Variants in ADRA1A observed in about 807,000 individuals in gnomAD.
The protein encoded by ADRA1A is alpha-1A adrenergic receptor.
A neutral mutation model predicts 29.6 loss-of-function variants in ADRA1A; 31 were observed. The ratio of observed to expected loss-of-function variants is 1.05; its 90% CI spans 0.79 to 1.41. ADRA1A has a LOEUF of 1.41. Ranked by LOEUF, ADRA1A falls within the 40% of genes most tolerant of loss-of-function variation. The pLI is 0.00. For missense variants in ADRA1A, 619 were observed against 601.1 expected (o/e 1.03, Z -0.31); for synonymous variants, 311 against 254.3 (o/e 1.22, Z -2.12).
At chr8:26,851,832 A>C (rs575598043) in intron 2 of ADRA1A, among the ~76,000 whole-genome samples, 50 of 151,862 alleles carry the variant, frequency 3.3e-4, no homozygotes, top group Non-Finnish European at 5.9e-4. Context: ...TACTTCTCTC[A>C]ATATTTGGCA....
downstream of ADRA1A, among the ~76,000 whole-genome samples, chr8:26,761,342 A>C (rs1343434588): frequency 1.3e-5 from 2 of 152,170 alleles, no homozygotes; most frequent in African/African-American, 2.4e-5. Context: ...GAAATGAGAG[A>C]GTGAGGAGGG....
At chr8:26,822,055 T>A (rs1179197847) in intron 2 of ADRA1A, among the ~76,000 whole-genome samples, 1 of 152,210 alleles carries the variant, frequency 6.6e-6, no homozygotes, top group Non-Finnish European at 1.5e-5. Context: ...TAAAAACTCC[T>A]GTACAAGTTT....
chr8:26,812,196 T>C (rs1036746503), intron 2 of ADRA1A, among the ~76,000 whole-genome samples: 3 of 152,174 alleles, frequency 2.0e-5, no homozygotes, highest in African/African-American at 7.2e-5. Context: ...ACCATGTTTT[T>C]TCCTTCTTCG....
intron 2 of ADRA1A, among the ~76,000 whole-genome samples, chr8:26,824,988 G>T (rs1407018592): frequency 6.6e-6 from 1 of 152,144 alleles, no homozygotes; most frequent in Non-Finnish European, 1.5e-5. Flanking sequence ...GATTTTGATG[G>T]CATCGTAGTT....
Position 26,777,478 on chromosome 8 carries a change from A to C in ADRA1A, c.884-6812T>G, listed in dbSNP as rs148284189. On this transcript the variant is annotated intron_variant, in intron 2 of 2. Coordinates refer to ENST00000380573, the MANE Select transcript of ADRA1A (RefSeq NM_000680.4). ...GAACCTCACTTAGCCTGTATGTCCT[A>C]ATGATAGAATCTAGCTTACCAACAG... is the stretch of plus-strand genomic sequence containing the variant. Among the ~76,000 whole-genome samples the C allele has an allele frequency of 2.4e-3, 367 of 152,298 alleles. 1 individual carries two copies. Among genetic ancestry groups the C allele is most frequent in the African/African-American group, 8.3e-3 (347 of 41,568 alleles).
rs1202300985 is a variant in ADRA1A, at chr8:26,770,449, C to T, written c.1101G>A (p.Val367=). Residue 367 remains valine, a synonymous_variant, in exon 3 of 3, where the codon GTG becomes GTA. Coordinates refer to ENST00000380573, the MANE Select transcript of ADRA1A (RefSeq NM_000680.4). ...GYTLHPPSQA[V]EGQHKDMVRI... is the part of the protein sequence containing the mutation. ...GCACCATGTCCTTGTGTTGCCCTTC[C>T]ACGGCCTGGCTGGGCGGGTGCAGGG... 6 of 1,614,080 alleles carry T rather than the reference C, an allele frequency of 3.7e-6. No individual in the cohort carries two copies. The African/African-American group carries it at 4.0e-5, about 11-fold the overall frequency.
At chr8:26,750,385 A>G (rs2130140734) in intron 2 of ADRA1A, among the ~76,000 whole-genome samples, 2 of 152,208 alleles carry the variant, frequency 1.3e-5, no homozygotes, top group Middle Eastern at 6.8e-3. Flanking sequence ...TATTTTTAGT[A>G]GAGACAGGGT....
intron 2 of ADRA1A, among the ~76,000 whole-genome samples, chr8:26,807,505 T>G (rs1285459938): frequency 2.0e-5 from 3 of 152,230 alleles, no homozygotes; most frequent in Non-Finnish European, 4.4e-5. Context: ...TTCTCAAAGA[T>G]CATGTTGCAT....
intron 2 of ADRA1A, among the ~76,000 whole-genome samples, chr8:26,800,063 A>G (rs746753241): frequency 3.9e-5 from 6 of 152,162 alleles, no homozygotes; most frequent in Admixed American, 6.5e-5. Flanking sequence ...GTTTGAGACC[A>G]GCCTGATCAT....
intron 2 of ADRA1A, chr8:26,859,244 C>T (rs1813268637): frequency 6.6e-6 from 8 of 1,207,908 alleles, no homozygotes; most frequent in South Asian, 1.3e-5. Flanking sequence ...TATTCTTCTG[C>T]TCACATTTTG....
chr8:26,839,562 G>A (rs1458640557), intron 2 of ADRA1A, among the ~76,000 whole-genome samples: 1 of 152,178 alleles, frequency 6.6e-6, no homozygotes, highest in Admixed American at 6.5e-5. Context: ...TTACATGCTA[G>A]TCTCCACCTT....
intron 2 of ADRA1A, among the ~76,000 whole-genome samples, chr8:26,862,891 G>T (rs1179445411): frequency 2.6e-5 from 4 of 152,186 alleles, no homozygotes; most frequent in Non-Finnish European, 5.9e-5. Context: ...GGTGGCTATG[G>T]TATTAGAACC....
chr8:26,829,915 G>C (rs2130643257), intron 2 of ADRA1A, among the ~76,000 whole-genome samples: 1 of 138,928 alleles, frequency 7.2e-6, no homozygotes, highest in African/African-American at 2.6e-5. Context: ...AACACATTTG[G>C]GAAATAGTGG....
At chr8:26,784,992 A>G (rs1160699562) in intron 2 of ADRA1A, among the ~76,000 whole-genome samples, 1 of 152,214 alleles carries the variant, frequency 6.6e-6, no homozygotes, top group African/African-American at 2.4e-5. Flanking sequence ...GCATCCTATT[A>G]AAATACTCTT....
rs79562768 is a variant in ADRA1A at position 26,830,722 on chromosome 8, C to T, written c.883+33365G>A. On this transcript the variant is annotated intron_variant, in intron 2 of 2. Coordinates refer to ENST00000380573, the MANE Select transcript of ADRA1A (RefSeq NM_000680.4). Reference sequence around the variant, plus strand: ...CAGCTGCCAAAACTCAAATTATTTTCTTACCCTGAGATGATCCTAGGGGAA... The same window carrying T: ...CAGCTGCCAAAACTCAAATTATTTTTTTACCCTGAGATGATCCTAGGGGAA... 3.8e-3 allele frequency among the ~76,000 whole-genome samples: 582 copies of T among 152,290 alleles called. 2 individuals are homozygous for T. Among genetic ancestry groups the T allele is most frequent in the Middle Eastern group, 0.01 (3 of 294 alleles).
downstream of ADRA1A, among the ~76,000 whole-genome samples, chr8:26,763,250 C>T (rs1321639775): frequency 6.6e-6 from 1 of 152,270 alleles, no homozygotes; most frequent in South Asian, 2.1e-4. This position sits in a 1 kb window ranked among gnomAD's most constrained non-coding sequence, Gnocchi z 4.5. Context: ...TCCCAAGGAG[C>T]CAAGTGTGGC....
At chr8:26,829,783 G>GA (rs999168640) in intron 2 of ADRA1A, among the ~76,000 whole-genome samples, 9 of 151,078 alleles carry the variant, frequency 6.0e-5, no homozygotes, top group East Asian at 1.9e-4. Flanking sequence ...TTGAAACCTG[G>GA]AAAAAAAAAT....
exon 3 of ADRA1A, chr8:26,756,455 G>A: frequency 6.9e-7 from 1 of 1,449,542 alleles, no homozygotes; most frequent in Non-Finnish European, 9.1e-7. Flanking sequence ...AATGGGGGAG[G>A]GAGGTTGTAT....
At chr8:26,753,258 A>C (rs1487950246), downstream of ADRA1A, among the ~76,000 whole-genome samples, 1 of 152,118 alleles carries the variant, frequency 6.6e-6, no homozygotes, top group Non-Finnish European at 1.5e-5. Context: ...TGGGTAACTT[A>C]ATATGTCCTG....
Sources: allele counts gnomAD v4.1 joint callset (sites outside exome capture counted in the v4.1 genomes callset), GRCh38; gene constraint gnomAD v4.1.1; non-coding constraint Gnocchi (gnomAD v3.1); transcripts MANE v1.5; gene names NCBI Gene and HGNC (gene_info 2026-07-23, HGNC 2026-07-21).